The following KCTD16 variants were observed in gnomAD, a reference collection of about 807,000 sequenced individuals.
KCTD16 encodes BTB/POZ domain-containing protein KCTD16.
In KCTD16, 13 loss-of-function variants were observed where a neutral mutation model predicts 33.2. The ratio of observed to expected loss-of-function variants is 0.39; its 90% CI spans 0.25 to 0.62. The LOEUF (loss-of-function observed/expected upper bound fraction) is 0.62, where lower values mean the gene tolerates loss of function less well. Ranked by LOEUF, KCTD16 falls within the 20% of genes least tolerant of loss-of-function variation. The probability of loss-of-function intolerance (pLI) is 0.50; values close to 1 mark genes in which losing one functional copy is unlikely to be tolerated. For synonymous variants in KCTD16, 197 were observed against 195.3 expected, an observed-to-expected ratio of 1.01 and a Z score of -0.07; for missense variants, 441 against 525.1, an observed-to-expected ratio of 0.84 and a Z score of 1.57.
At chr5:144,198,283 A>G (rs1279023400) in intron 2 of KCTD16, among the ~76,000 whole-genome samples, 1 of 152,196 alleles carries the variant, frequency 6.6e-6, no homozygotes, top group Non-Finnish European at 1.5e-5. Flanking sequence ...TTAATTGAGC[A>G]TCTCTCAGAT....
chr5:144,261,167 C>CAAAAAAAAAAAAAAAAAAAAAAAAAAAA (rs1299878040), intron 3 of KCTD16, among the ~76,000 whole-genome samples: 1 of 78,076 alleles, frequency 1.3e-5, no homozygotes, highest in Non-Finnish European at 2.5e-5. Context: ...GGAACAACAA[C>CAAAAAAAAAAAAAAAAAAAAAAAAAAAA]AAAAAAAAAA....
chr5:144,388,057 T>C (rs867485502), intron 3 of KCTD16, among the ~76,000 whole-genome samples: 1 of 148,180 alleles, frequency 6.7e-6, no homozygotes, highest in East Asian at 2.0e-4. Context: ...AGTTCAATTT[T>C]AGAGCAAGTT....
chr5:144,240,980 G>C (rs916985729), intron 3 of KCTD16, among the ~76,000 whole-genome samples: 3 of 151,950 alleles, frequency 2.0e-5, no homozygotes, highest in Non-Finnish European at 4.4e-5. Context: ...AGCAAGGATG[G>C]GATCGAGACA....
intron 3 of KCTD16, among the ~76,000 whole-genome samples, chr5:144,398,279 A>G (rs1007435098): frequency 6.6e-6 from 1 of 152,176 alleles, no homozygotes; most frequent in African/African-American, 2.4e-5. Context: ...ACTATTTTTC[A>G]TATTTACCAT....
At chr5:144,332,116 C>T (rs1035201407) in intron 3 of KCTD16, among the ~76,000 whole-genome samples, 1 of 152,030 alleles carries the variant, frequency 6.6e-6, no homozygotes, top group South Asian at 2.1e-4. Flanking sequence ...TCTAAAATGA[C>T]AAAAGAGGAG....
chr5:144,404,793 A>C (rs1752776445), intron 3 of KCTD16, among the ~76,000 whole-genome samples: 1 of 151,428 alleles, frequency 6.6e-6, no homozygotes, highest in Admixed American at 6.6e-5. Flanking sequence ...ATAAATGTTA[A>C]GGTGCCTTCC....
intron 3 of KCTD16, among the ~76,000 whole-genome samples, chr5:144,433,215 TGTTTTCTA>T (rs1232579210): frequency 6.6e-6 from 1 of 152,154 alleles, no homozygotes; most frequent in East Asian, 1.9e-4. Flanking sequence ...GGCCACCTTC[TGTTTTCTA>T]GCTTTGGATA....
At chr5:144,340,295 G>A (rs139521282) in intron 3 of KCTD16, among the ~76,000 whole-genome samples, 6 of 151,258 alleles carry the variant, frequency 4.0e-5, no homozygotes, top group South Asian at 4.2e-4. Context: ...CCAGCTATTC[G>A]AGAGGCTGAG....
rs539287370 is a variant in KCTD16 at position 144,358,090 on chromosome 5, ATTTTTTT to A, written c.833-115552_833-115546del. Among the ~76,000 whole-genome samples, 56 of 114,436 alleles carry A rather than the reference ATTTTTTT, an allele frequency of 4.9e-4. 1 individual carries two copies. The highest frequency in any genetic ancestry group is 1.5e-3 in the Admixed American group (16 of 10,428). The allele number at this position is 114,436 out of a possible 152,430, so 75.1% of individuals were successfully genotyped here. On this transcript the variant is annotated intron_variant, in intron 3 of 3. Coordinates refer to ENST00000512467, the MANE Select transcript of KCTD16 (RefSeq NM_020768.4). ...AGGCATATGGCACCACACCCGGCTAATTTTTTTTTTTTTTTTTTTTTTTTGTAGAGAC... is the reference window on the plus strand; with the variant it reads ...AGGCATATGGCACCACACCCGGCTAATTTTTTTTTTTTTTTTTGTAGAGAC...
chr5:144,384,975 G>A (rs962289935), intron 3 of KCTD16, among the ~76,000 whole-genome samples: 3 of 152,106 alleles, frequency 2.0e-5, no homozygotes, highest in Non-Finnish European at 4.4e-5. Context: ...TTAGAAGCTC[G>A]TTCCCTTTTG....
intron 3 of KCTD16, among the ~76,000 whole-genome samples, chr5:144,441,696 A>G (rs1036413499): frequency 2.0e-5 from 3 of 151,772 alleles, no homozygotes; most frequent in African/African-American, 7.2e-5. Flanking sequence ...ATCCTTATGT[A>G]GTACCACACT....
chr5:144,240,955 T>C (rs1754385652), intron 3 of KCTD16, among the ~76,000 whole-genome samples: 1 of 152,062 alleles, frequency 6.6e-6, no homozygotes, highest in Admixed American at 6.6e-5. Context: ...ATACAAGAAG[T>C]ATATCTCTGA....
intron 3 of KCTD16, among the ~76,000 whole-genome samples, chr5:144,245,030 A>G (rs1754510961): frequency 6.6e-6 from 1 of 152,214 alleles, no homozygotes; most frequent in South Asian, 2.1e-4. Context: ...TCAATATTCT[A>G]TTACAAGCTG....
intron 3 of KCTD16, among the ~76,000 whole-genome samples, chr5:144,469,307 C>T (rs1443809594): frequency 6.6e-6 from 1 of 152,196 alleles, no homozygotes; most frequent in Non-Finnish European, 1.5e-5. Flanking sequence ...CTTGTGGTCA[C>T]TCACTCACCA....
chr5:144,187,386 G>T (rs772561399), intron 2 of KCTD16, among the ~76,000 whole-genome samples: 1 of 151,990 alleles, frequency 6.6e-6, no homozygotes, highest in Admixed American at 6.5e-5. Flanking sequence ...AAATAACAGA[G>T]TCAATAAATT....
At position 144,424,557 on chromosome 5, in the gene KCTD16, T is replaced by G. The variant is rs985095853; in HGVS notation, c.833-49103T>G. Among the ~76,000 whole-genome samples the G allele has an allele frequency of 5.9e-5, 9 of 152,208 alleles. 1 individual carries two copies. The highest frequency in any genetic ancestry group is 2.2e-4 in the African/African-American group (9 of 41,452). ...TATGGCCACTCTGTCTTCGATCATTTTCTGCTGTTACACTAGAATATAACA... is the reference window on the plus strand; with the variant it reads ...TATGGCCACTCTGTCTTCGATCATTGTCTGCTGTTACACTAGAATATAACA... On this transcript the variant is annotated intron_variant, in intron 3 of 3. Coordinates refer to ENST00000512467, the MANE Select transcript of KCTD16 (RefSeq NM_020768.4).
intron 3 of KCTD16, among the ~76,000 whole-genome samples, chr5:144,214,009 A>G (rs1753484067): frequency 1.3e-5 from 2 of 152,048 alleles, no homozygotes; most frequent in Non-Finnish European, 2.9e-5. Flanking sequence ...GGCTATTCTG[A>G]TTTTACATTT....
rs150419032 is a variant in KCTD16, at chr5:144,237,688, C to T, written c.832+30142C>T. 4.2e-3 allele frequency among the ~76,000 whole-genome samples: 644 copies of T among 152,208 alleles called. 6 individuals carry two copies. Among genetic ancestry groups the T allele is most frequent in the African/African-American group, 0.015 (613 of 41,542 alleles). On this transcript the variant is annotated intron_variant, in intron 3 of 3. Coordinates refer to ENST00000512467, the MANE Select transcript of KCTD16 (RefSeq NM_020768.4). ...AACACCAACCACCAACAACAGTCCA[C>T]GTCGTTGATTAGTCTTGAAGAAAAT... is the stretch of plus-strand genomic sequence containing the variant.
intron 3 of KCTD16, among the ~76,000 whole-genome samples, chr5:144,422,568 A>G (rs893991580): frequency 6.6e-6 from 1 of 152,160 alleles, no homozygotes; most frequent in African/African-American, 2.4e-5. Context: ...CTGGTTGTCT[A>G]GTTGGGGAAA....
Sources: gnomAD v4.1 joint callset for allele counts (sites outside exome capture counted in the v4.1 genomes callset) on GRCh38, gnomAD v4.1.1 for gene constraint, MANE v1.5 for transcripts, NCBI Gene and HGNC (gene_info 2026-07-23, HGNC 2026-07-21) for gene names.